The following GRAMD1B variants were observed in gnomAD, a reference collection of about 807,000 sequenced individuals.
GRAMD1B encodes the protein protein Aster-B.
In GRAMD1B, 37 loss-of-function variants were observed where a neutral mutation model predicts 99.7. The observed-to-expected ratio is 0.37, with a 90% CI of 0.29 to 0.49. The LOEUF is 0.49. Among genes scored for constraint, GRAMD1B ranks in the 20% least tolerant of loss-of-function variants. The pLI is 0.98. For synonymous variants in GRAMD1B, 427 were observed against 387.6 expected, an observed-to-expected ratio of 1.10 and a Z score of -1.19; for missense variants, 888 against 1,009.2, an observed-to-expected ratio of 0.88 and a Z score of 1.63.
At chr11:123,494,613 A>G (rs1054881605) in intron 2 of GRAMD1B, among the ~76,000 whole-genome samples, 7 of 151,650 alleles carry the variant, frequency 4.6e-5, no homozygotes, top group African/African-American at 1.7e-4. Context: ...TGTTTCTCCT[A>G]CTCTAGCCCT....
chr11:123,377,864 C>T (rs1946742163), intron 1 of GRAMD1B, among the ~76,000 whole-genome samples: 1 of 152,216 alleles, frequency 6.6e-6, no homozygotes, highest in Non-Finnish European at 1.5e-5. Context: ...GGATCGCCTT[C>T]CACCACCATG....
chr11:123,453,326 C>T (rs561996000), intron 1 of GRAMD1B, among the ~76,000 whole-genome samples: 2 of 151,696 alleles, frequency 1.3e-5, no homozygotes, highest in South Asian at 4.2e-4. Flanking sequence ...GTATATATAT[C>T]TTTTTATTTT....
chr11:123,422,508 A>G (rs1948481222), intron 1 of GRAMD1B, among the ~76,000 whole-genome samples: 1 of 152,220 alleles, frequency 6.6e-6, no homozygotes, highest in Non-Finnish European at 1.5e-5. Flanking sequence ...GCTTGACATA[A>G]TATGTAAAGG....
intron 12 of GRAMD1B, among the ~76,000 whole-genome samples, chr11:123,609,529 G>A (rs773837154): frequency 6.6e-6 from 1 of 152,152 alleles, no homozygotes; most frequent in Non-Finnish European, 1.5e-5. Flanking sequence ...CCCGTAGGTG[G>A]CCCCAAGACC....
intron 2 of GRAMD1B, among the ~76,000 whole-genome samples, chr11:123,502,646 G>A (rs59536683): frequency 0.16 from 24,831 of 151,874 alleles, 2,123 homozygotes; most frequent in Non-Finnish European, 0.2. Context: ...GTGGAAGTGC[G>A]TGCCTGTAAT....
chr11:123,439,553 T>G (rs1368138726), intron 1 of GRAMD1B, among the ~76,000 whole-genome samples: 3 of 152,086 alleles, frequency 2.0e-5, no homozygotes, highest in African/African-American at 7.2e-5. Flanking sequence ...CCCTAACACA[T>G]TGGGTAGTCA....
At position 123,577,550 on chromosome 11, in the gene GRAMD1B, C is replaced by T. The variant is rs762141069; in HGVS notation, c.636C>T (p.Ser212=). 3 of 1,590,688 alleles carry T rather than the reference C, an allele frequency of 1.9e-6. No individual in the cohort carries two copies. The highest frequency in any genetic ancestry group is 2.3e-5 in the East Asian group (1 of 43,152). ...TGCAGCGCAGCTGCTCCTCCCAGTCCGGCCGGAGCGGCGGCAAGAATTCCA... is the reference window on the plus strand; with the variant it reads ...TGCAGCGCAGCTGCTCCTCCCAGTCTGGCCGGAGCGGCGGCAAGAATTCCA... ...QGVQRSCSSQ[S]GRSGGKNSKK... The change falls in exon 3 of 20, where the codon TCC becomes TCT. Residue 212 remains serine, a synonymous_variant. Transcript: ENST00000635736.
At chr11:123,406,763 G>A (rs1040767624) in intron 1 of GRAMD1B, among the ~76,000 whole-genome samples, 3 of 152,128 alleles carry the variant, frequency 2.0e-5, no homozygotes, top group Non-Finnish European at 4.4e-5. Flanking sequence ...TCTCTTTTAA[G>A]GGCTCTCAAG....
intron 2 of GRAMD1B, among the ~76,000 whole-genome samples, chr11:123,572,031 A>C (rs564274185): frequency 6.6e-6 from 1 of 152,342 alleles, no homozygotes; most frequent in East Asian, 1.9e-4. Context: ...TCCCAAGCAC[A>C]CAGATCCTTT....
chr11:123,419,708 TG>T (rs1948358161), intron 1 of GRAMD1B, among the ~76,000 whole-genome samples: 1 of 66,324 alleles, frequency 1.5e-5, no homozygotes, highest in African/African-American at 1.1e-4. Flanking sequence ...AGTGTGTGTG[TG>T]TGTGTGTGTG....
At position 123,606,828 on chromosome 11, in the gene GRAMD1B, C is replaced by A. The variant is rs753149279; in HGVS notation, c.1513+30C>A. 2.5e-6 allele frequency: 4 copies of A among 1,577,788 alleles called. No homozygotes were observed. In the East Asian group the frequency reaches 9.0e-5, roughly 35 times the overall value. On this transcript the variant is annotated intron_variant, in intron 11 of 19. Transcript: ENST00000635736. ...GCATTTGAAAATGGGTCTGGAGTGG[C>A]CCTTGCTCTGTTTTGAAGGCTAAAA...
chr11:123,426,665 G>C (rs1948662822), upstream of GRAMD1B, among the ~76,000 whole-genome samples: 5 of 152,282 alleles, frequency 3.3e-5, no homozygotes, highest in South Asian at 1.0e-3. Flanking sequence ...TGTCTGTCTT[G>C]CAACAACAGT....
chr11:123,411,837 A>G (rs1196795127), intron 1 of GRAMD1B, among the ~76,000 whole-genome samples: 2 of 151,822 alleles, frequency 1.3e-5, no homozygotes, highest in African/African-American at 4.8e-5. Context: ...TTTGGTAGAG[A>G]TGGGGTTTTG....
At chr11:123,412,738 C>T (rs867951043) in intron 1 of GRAMD1B, among the ~76,000 whole-genome samples, 37 of 152,202 alleles carry the variant, frequency 2.4e-4, no homozygotes, top group Non-Finnish European at 4.4e-4. Flanking sequence ...CTAAGAAACC[C>T]TAAAGACCCA....
At chr11:123,506,312 A>G (rs1353625012) in intron 2 of GRAMD1B, among the ~76,000 whole-genome samples, 2 of 151,996 alleles carry the variant, frequency 1.3e-5, no homozygotes, top group African/African-American at 4.8e-5. Flanking sequence ...GTCCTTAGGG[A>G]ACTTGGTGCT....
At chr11:123,485,244 AT>A (rs1951826729) in intron 2 of GRAMD1B, among the ~76,000 whole-genome samples, 1 of 152,176 alleles carries the variant, frequency 6.6e-6, no homozygotes, top group Non-Finnish European at 1.5e-5. Flanking sequence ...ATTAGCATTG[AT>A]TTCTTCTATT....
chr11:123,431,973 G>T, intron 1 of GRAMD1B: 1 of 398,210 alleles, frequency 2.5e-6, no homozygotes, highest in Non-Finnish European at 4.4e-6. Flanking sequence ...GTCCTCACTT[G>T]TTCATCGGTA....
intron 1 of GRAMD1B, among the ~76,000 whole-genome samples, chr11:123,403,450 T>TAA (rs1250641360): frequency 1.6e-3 from 77 of 46,978 alleles, no homozygotes; most frequent in African/African-American, 8.6e-3. Flanking sequence ...ATGATGATGA[T>TAA]AATAATAATA....
At position 123,446,774 on chromosome 11, in the gene GRAMD1B, C is replaced by A. The variant is rs182907618; in HGVS notation, c.374+15608C>A. 1.1e-4 allele frequency among the ~76,000 whole-genome samples: 17 copies of A among 152,054 alleles called. No individual in the cohort carries two copies. The East Asian group carries it at 3.1e-3, about 28-fold the overall frequency. Reference sequence around the variant, plus strand: ...GCACTGTTGCTGTGTGCTTGGGATACAAAAATGGATGCAAGCTGGGCATGG... The same window carrying A: ...GCACTGTTGCTGTGTGCTTGGGATAAAAAAATGGATGCAAGCTGGGCATGG... On this transcript the variant is annotated intron_variant, in intron 1 of 19. Transcript: ENST00000635736.
Sources: allele counts gnomAD v4.1 joint callset (sites outside exome capture counted in the v4.1 genomes callset), GRCh38; gene constraint gnomAD v4.1.1; transcripts MANE v1.5; gene names NCBI Gene and HGNC (gene_info 2026-07-23, HGNC 2026-07-21).